PKP4: variants seen among roughly 807,000 people sequenced by gnomAD.
PKP4 encodes plakophilin-4.
In PKP4, 90 loss-of-function variants were observed where a neutral mutation model predicts 145.1. The observed-to-expected ratio is 0.62, with a 90% CI of 0.52 to 0.74. The LOEUF is 0.74. Ranked by LOEUF, PKP4 falls within the 30% of genes least tolerant of loss-of-function variation. PKP4 has a pLI of 0.00. For missense variants in PKP4, 1,340 were observed against 1,482.7 expected (o/e 0.90, Z 1.58); for synonymous variants, 563 against 577.2 (o/e 0.98, Z 0.35).
chr2:158,680,486 A>G lies in PKP4; in HGVS notation c.3388A>G (p.Arg1130Gly), dbSNP rs2058371355. The G allele has an allele frequency of 1.9e-6, 3 of 1,613,266 alleles. No individual in the cohort carries two copies. The highest frequency in any genetic ancestry group is 1.7e-6 in the Non-Finnish European group (2 of 1,179,174). The stretch of plus-strand genomic sequence containing the variant: ...CAACAGAAAGAACTTTGATGCATAC[A>G]GATTGTATTTGCAGTCTCCTCATAG... ...DSNRKNFDAY[R>G]LYLQSPHSYE... The change falls in exon 22 of 22, where the codon AGA becomes GGA. Residue 1130 changes from arginine to glycine, a missense_variant. Coordinates refer to ENST00000389759, the MANE Select transcript of PKP4 (RefSeq NM_003628.6).
At chr2:158,640,021 CAT>C (rs1347044354) in intron 9 of PKP4, among the ~76,000 whole-genome samples, 13 of 152,356 alleles carry the variant, frequency 8.5e-5, no homozygotes, top group East Asian at 5.8e-4. Context: ...CAAACTCACA[CAT>C]GTGTGCACAT....
chr2:158,679,763 G>A (rs760480167), intron 21 of PKP4, among the ~76,000 whole-genome samples: 3 of 152,192 alleles, frequency 2.0e-5, no homozygotes, highest in Non-Finnish European at 4.4e-5. Flanking sequence ...CCTGGCTTGG[G>A]GAAGCCTTTT....
intron 1 of PKP4, among the ~76,000 whole-genome samples, chr2:158,467,490 T>G (rs1359558377): frequency 2.0e-5 from 3 of 146,382 alleles, no homozygotes; most frequent in Admixed American, 7.0e-5. Context: ...AGGGCAAGAC[T>G]GCAGTGAGCC....
At chr2:158,466,618 T>G (rs979208388) in intron 1 of PKP4, among the ~76,000 whole-genome samples, 1 of 151,798 alleles carries the variant, frequency 6.6e-6, no homozygotes, top group Non-Finnish European at 1.5e-5. Context: ...GGTGAGAGAA[T>G]CACGTGAACC....
At chr2:158,563,760 G>C (rs2046739379) in intron 2 of PKP4, among the ~76,000 whole-genome samples, 1 of 151,770 alleles carries the variant, frequency 6.6e-6, no homozygotes, top group Non-Finnish European at 1.5e-5. Flanking sequence ...GTTTGTACTA[G>C]TGTACATTCC....
rs577805335 is a variant in PKP4 at position 158,617,803 on chromosome 2, C to A, written c.281-3187C>A. 3.3e-5 allele frequency among the ~76,000 whole-genome samples: 5 copies of A among 152,306 alleles called. No individual in the cohort carries two copies. In the South Asian group the frequency reaches 1.0e-3, roughly 32 times the overall value. On this transcript the variant is annotated intron_variant, in intron 4 of 21. Transcript: ENST00000389759. Reference sequence around the variant, plus strand: ...ACTATTTTGAAAACCATTTAAATTTCTTTTCATAAATCAGAATAGATTTCA... The same window carrying A: ...ACTATTTTGAAAACCATTTAAATTTATTTTCATAAATCAGAATAGATTTCA...
chr2:158,587,262 T>G (rs1215379388), intron 3 of PKP4, among the ~76,000 whole-genome samples: 2 of 152,152 alleles, frequency 1.3e-5, no homozygotes, highest in Admixed American at 1.3e-4. Flanking sequence ...ACATCTAAAA[T>G]ATGTATATCA....
chr2:158,567,681 T>C (rs551201310), intron 2 of PKP4, among the ~76,000 whole-genome samples: 17 of 152,222 alleles, frequency 1.1e-4, no homozygotes, highest in South Asian at 2.1e-4. Flanking sequence ...AACATAGAGA[T>C]TATTGGTGAG....
At chr2:158,652,172 A>G (rs1448739146) in intron 11 of PKP4, among the ~76,000 whole-genome samples, 3 of 152,228 alleles carry the variant, frequency 2.0e-5, no homozygotes, top group African/African-American at 7.2e-5. Flanking sequence ...AAAATTATTA[A>G]TATTTTGTGT....
rs537919715 is a variant in PKP4, at chr2:158,465,033, G to T, written c.-6+7815G>T. Among the ~76,000 whole-genome samples, 6 of 152,326 alleles carry T rather than the reference G, an allele frequency of 3.9e-5. No individual in the cohort carries two copies. The South Asian group carries it at 1.2e-3, about 32-fold the overall frequency. ...GACTGATAGGCCTTATGGCCAAAAA[G>T]ATGACTTCCTCCAGGGATACTTACT... On this transcript the variant is annotated intron_variant, in intron 1 of 21. Transcript: ENST00000389759.
intron 1 of PKP4, among the ~76,000 whole-genome samples, chr2:158,458,492 G>T (rs1573886023): frequency 1.3e-5 from 2 of 152,298 alleles, no homozygotes; most frequent in South Asian, 4.1e-4. Context: ...AGGGCTGTTG[G>T]CAAGTTTGGT....
intron 4 of PKP4, among the ~76,000 whole-genome samples, chr2:158,614,949 A>G (rs2051450410): frequency 6.6e-6 from 1 of 151,538 alleles, no homozygotes; most frequent in Admixed American, 6.6e-5. Context: ...ACCCTCTATA[A>G]TTTCACATTT....
At chr2:158,558,337 G>A (rs933535728) in intron 2 of PKP4, among the ~76,000 whole-genome samples, 6 of 152,060 alleles carry the variant, frequency 3.9e-5, no homozygotes, top group African/African-American at 1.4e-4. Context: ...GTAGAAAACT[G>A]GAAAAAGCAG....
At chr2:158,567,673 CAT>C (rs1486577962) in intron 2 of PKP4, among the ~76,000 whole-genome samples, 5 of 152,180 alleles carry the variant, frequency 3.3e-5, no homozygotes, top group African/African-American at 7.2e-5. Context: ...TTTTGTAAAA[CAT>C]AGAGATTATT....
chr2:158,515,483 G>A (rs1212106154), intron 1 of PKP4, among the ~76,000 whole-genome samples: 1 of 151,898 alleles, frequency 6.6e-6, no homozygotes, highest in Non-Finnish European at 1.5e-5. Flanking sequence ...AAAATAATTG[G>A]TACTCAGCCT....
chr2:158,508,796 G>A (rs1280474358), intron 1 of PKP4, among the ~76,000 whole-genome samples: 3 of 152,146 alleles, frequency 2.0e-5, no homozygotes, highest in Non-Finnish European at 2.9e-5. Flanking sequence ...ATCCTAGTAG[G>A]CTGGACATCA....
intron 1 of PKP4, among the ~76,000 whole-genome samples, chr2:158,519,054 C>T (rs929705716): frequency 2.0e-5 from 3 of 151,502 alleles, no homozygotes; most frequent in African/African-American, 4.8e-5. Context: ...TCTTTTTTCT[C>T]TTTTCCAAGA....
intron 6 of PKP4, among the ~76,000 whole-genome samples, chr2:158,624,449 A>G (rs1211891592): frequency 6.6e-6 from 1 of 152,238 alleles, no homozygotes; most frequent in South Asian, 2.1e-4. Flanking sequence ...TTTGTTTTAC[A>G]TAAATGCATT....
intron 3 of PKP4, among the ~76,000 whole-genome samples, chr2:158,586,830 A>G (rs991369938): frequency 1.3e-5 from 2 of 152,234 alleles, no homozygotes; most frequent in Admixed American, 6.5e-5. Flanking sequence ...CAACTGGGAC[A>G]TACAAATCCA....
Sources: allele counts gnomAD v4.1 joint callset (sites outside exome capture counted in the v4.1 genomes callset), GRCh38; gene constraint gnomAD v4.1.1; transcripts MANE v1.5; gene names NCBI Gene and HGNC (gene_info 2026-07-23, HGNC 2026-07-21).